The following RYK variants were observed in gnomAD, a reference collection of about 807,000 sequenced individuals.
RYK encodes receptor like tyrosine kinase.
A neutral mutation model predicts 70.2 loss-of-function variants in RYK; 21 were observed. The observed-to-expected ratio is 0.30, with a 90% CI of 0.21 to 0.43. The LOEUF (loss-of-function observed/expected upper bound fraction) is 0.43. Among genes scored for constraint, RYK ranks in the 20% least tolerant of loss-of-function variants. RYK has a pLI of 1.00. For missense variants in RYK, 604 were observed against 753.3 expected (o/e 0.80, Z 2.32); for synonymous variants, 267 against 278.0 (o/e 0.96, Z 0.39).
At chr3:134,203,777 G>A (rs985015063) in intron 5 of RYK, among the ~76,000 whole-genome samples, 1 of 152,174 alleles carries the variant, frequency 6.6e-6, no homozygotes, top group African/African-American at 2.4e-5. Flanking sequence ...CTGCAGTGAC[G>A]AAAATGTTCT....
chr3:134,199,328 C>T (rs2013914858), intron 6 of RYK, among the ~76,000 whole-genome samples: 1 of 152,226 alleles, frequency 6.6e-6, no homozygotes, highest in Admixed American at 6.5e-5. Flanking sequence ...CTCCATCTAA[C>T]CTCACCAGAC....
chr3:134,237,333 A>G (rs987196702), intron 1 of RYK, among the ~76,000 whole-genome samples: 2 of 152,206 alleles, frequency 1.3e-5, no homozygotes, highest in African/African-American at 4.8e-5. Flanking sequence ...CACTTAACAA[A>G]ACATATTTCA....
chr3:134,247,828 T>TA (rs2015504498), intron 1 of RYK, among the ~76,000 whole-genome samples: 1 of 152,228 alleles, frequency 6.6e-6, no homozygotes, highest in East Asian at 1.9e-4. Context: ...CAACTTCATT[T>TA]ATAAGTTTCT....
rs1408523087 is a variant in RYK, at chr3:134,203,221, A to G, written c.644-347T>C. On this transcript the variant is annotated intron_variant, in intron 5 of 14. Coordinates refer to ENST00000623711, the MANE Select transcript of RYK (RefSeq NM_002958.4). ...AAATTAGCTGGGCATGGTGGCAGGC[A>G]CCTGTAATCCTAGCTACTCAGGAGG... 2.6e-5 allele frequency among the ~76,000 whole-genome samples: 4 copies of G among 152,232 alleles called. No homozygotes were observed. The East Asian group carries it at 7.7e-4, about 29-fold the overall frequency.
intron 13 of RYK, among the ~76,000 whole-genome samples, chr3:134,173,371 G>A (rs756356997): frequency 2.6e-5 from 4 of 152,122 alleles, no homozygotes; most frequent in Non-Finnish European, 5.9e-5. Context: ...TGTAAAAGGA[G>A]CAATATATCT....
At chr3:134,215,272 G>C (rs1204686668) in intron 2 of RYK, among the ~76,000 whole-genome samples, 1 of 152,216 alleles carries the variant, frequency 6.6e-6, no homozygotes, top group East Asian at 1.9e-4. Flanking sequence ...AGTGTGGCAA[G>C]GTGAAAAGGA....
chr3:134,184,813 AAT>A (rs908281694), intron 9 of RYK, among the ~76,000 whole-genome samples: 13 of 152,044 alleles, frequency 8.6e-5, no homozygotes, highest in Non-Finnish European at 1.5e-4. Flanking sequence ...AATTTTAAAA[AAT>A]AGTTTTTAAA....
chr3:134,157,756 T>C lies in RYK; in HGVS notation c.*397A>G, dbSNP rs1291118589. The C allele has an allele frequency of 6.5e-6, 1 of 154,746 alleles. No individual in the cohort carries two copies. Among genetic ancestry groups the C allele is most frequent in the Admixed American group, 6.5e-5 (1 of 15,314 alleles). 9.6% of individuals were successfully genotyped at this position (154,746 alleles called of 1,614,324 possible). Reference sequence around the variant, plus strand: ...AATAACACTAAAAAAACTTTAAAGGTGAGTCACTTACATCACCTTGATGAA... The same window carrying C: ...AATAACACTAAAAAAACTTTAAAGGCGAGTCACTTACATCACCTTGATGAA... On this transcript the variant is annotated 3_prime_UTR_variant, in exon 15 of 15. Transcript: ENST00000623711.
chr3:134,168,200 G>A (rs2012755380), intron 13 of RYK, among the ~76,000 whole-genome samples: 1 of 152,192 alleles, frequency 6.6e-6, no homozygotes, highest in Non-Finnish European at 1.5e-5. Context: ...AACCATTGTT[G>A]AAGACAGTGT....
chr3:134,216,671 T>C (rs1022143798), intron 2 of RYK, among the ~76,000 whole-genome samples: 1 of 151,542 alleles, frequency 6.6e-6, no homozygotes, highest in Non-Finnish European at 1.5e-5. Flanking sequence ...CGGGCGCCTG[T>C]TGACCCAGCT....
intron 10 of RYK, chr3:134,179,642 C>T (rs2013224999): frequency 6.6e-6 from 1 of 152,162 alleles, no homozygotes; most frequent in Non-Finnish European, 1.5e-5. Context: ...GACTTTCTCT[C>T]CAGAGGAGCA....
chr3:134,200,761 AG>A (rs2107673915), intron 6 of RYK, among the ~76,000 whole-genome samples: 1 of 152,350 alleles, frequency 6.6e-6, no homozygotes, highest in South Asian at 2.1e-4. Context: ...TAAACAGAAT[AG>A]CCAGGCTTCA....
chr3:134,175,502 A>G, intron 13 of RYK, 107 bp downstream of exon 13: 1 of 1,339,264 alleles, frequency 7.5e-7, no homozygotes, highest in Non-Finnish European at 1.0e-6. Context: ...AATTTCCGGG[A>G]ACAGCTAGCA....
chr3:134,239,471 GA>G (rs887946233), intron 1 of RYK, among the ~76,000 whole-genome samples: 1 of 151,040 alleles, frequency 6.6e-6, no homozygotes, highest in South Asian at 2.1e-4. Flanking sequence ...CAAAAAGGGG[GA>G]AAAAAAAGAA....
chr3:134,188,782 G>A (rs182297878), intron 9 of RYK, 55 bp downstream of exon 9: 3 of 1,075,490 alleles, frequency 2.8e-6, no homozygotes, highest in East Asian at 5.1e-5. Flanking sequence ...TTTGCTGGCA[G>A]GAGCCACCTG....
At position 134,222,525 on chromosome 3, in the gene RYK, G is replaced by T. The variant is rs976840691; in HGVS notation, c.247C>A (p.Leu83Ile). ...VRRLIGLDAE[L>I]YYVRNDLISH... is the part of the protein sequence containing the mutation. ...ATAAGGTCATTTCTCACATAATAAA[G>T]TTCTGCATCAAGACCTAGAAAAAAA... Residue 83 changes from leucine to isoleucine, a missense_variant, in exon 2 of 15, where the codon CTT (leucine) becomes ATT (isoleucine). Physicochemically the swap from Leu to Ile is conservative, Grantham distance 5. This residue lies in a region of RYK where 466 missense variants were observed against 535.9 expected (regional missense o/e 0.87). Coordinates refer to ENST00000623711, the MANE Select transcript of RYK (RefSeq NM_002958.4). 6.2e-7 allele frequency: 1 copy of T among 1,609,318 alleles called. No homozygotes were observed. The highest frequency in any genetic ancestry group is 8.5e-7 in the Non-Finnish European group (1 of 1,177,030).
intron 2 of RYK, among the ~76,000 whole-genome samples, chr3:134,213,871 T>C (rs1341426071): frequency 2.0e-5 from 3 of 152,118 alleles, no homozygotes; most frequent in African/African-American, 7.2e-5. Flanking sequence ...TGGCGTGATA[T>C]CGGCTCGCTG....
chr3:134,236,706 T>C (rs1452826699), intron 1 of RYK, among the ~76,000 whole-genome samples: 1 of 152,202 alleles, frequency 6.6e-6, no homozygotes, highest in Non-Finnish European at 1.5e-5. Flanking sequence ...AACAGTGTAG[T>C]ACTGGCATGA....
At chr3:134,246,003 G>A (rs2015455339) in intron 1 of RYK, among the ~76,000 whole-genome samples, 1 of 151,702 alleles carries the variant, frequency 6.6e-6, no homozygotes, top group African/African-American at 2.4e-5. Flanking sequence ...TCCCTGAAAT[G>A]AATAACCACA....
Sources: gnomAD v4.1 joint callset for allele counts (sites outside exome capture counted in the v4.1 genomes callset) on GRCh38, gnomAD v4.1.1 for gene constraint, gnomAD v4.1.1 regional missense constraint, MANE v1.5 for transcripts, NCBI Gene and HGNC (gene_info 2026-07-23, HGNC 2026-07-21) for gene names.